Variants in DCAF13 observed in about 807,000 individuals in gnomAD.
DCAF13 encodes DDB1- and CUL4-associated factor 13.
A neutral mutation model predicts 59.0 loss-of-function variants in DCAF13; 38 were observed. The ratio of observed to expected loss-of-function variants is 0.64; its 90% CI spans 0.50 to 0.84. The LOEUF (loss-of-function observed/expected upper bound fraction) is 0.84. Among genes scored for constraint, DCAF13 ranks in the 40% least tolerant of loss-of-function variants. DCAF13 has a pLI of 0.00. For synonymous variants in DCAF13, 173 were observed against 175.0 expected (o/e 0.99, Z 0.09); for missense variants, 469 against 558.4 (o/e 0.84, Z 1.61).
chr8:103,424,123 A>T lies in DCAF13; in HGVS notation c.379-1933A>T, dbSNP rs1051130563. Among the ~76,000 whole-genome samples, 5 of 151,728 alleles carry T rather than the reference A, an allele frequency of 3.3e-5. No homozygotes were observed. The East Asian group carries it at 9.7e-4, about 29-fold the overall frequency. On this transcript the variant is annotated intron_variant, in intron 3 of 10. Coordinates refer to ENST00000612750, the MANE Select transcript of DCAF13 (RefSeq NM_015420.7). The stretch of plus-strand genomic sequence containing the variant: ...AAGCTCTGCCTCCCGGGTTCACGCC[A>T]TTCTCTTGCCTCAGTCTCCCCAGTA...
At chr8:103,418,858 A>ATATATT (rs1554630660) in intron 1 of DCAF13, among the ~76,000 whole-genome samples, 20 of 34,954 alleles carry the variant, frequency 5.7e-4, no homozygotes, top group African/African-American at 9.2e-4. Context: ...ATATATATAT[A>ATATATT]TATATATATT....
At chr8:103,429,202 A>G (rs1816830274) in intron 5 of DCAF13, 2 of 152,206 alleles carry the variant, frequency 1.3e-5, no homozygotes, top group African/African-American at 4.8e-5. Flanking sequence ...CTTTCTTTTT[A>G]GAAATGGAAC....
intron 6 of DCAF13, among the ~76,000 whole-genome samples, chr8:103,432,419 C>T (rs1816878325): frequency 6.6e-6 from 1 of 152,088 alleles, no homozygotes; most frequent in South Asian, 2.1e-4. Context: ...TATTATGTGT[C>T]ACATTTTTCT....
intron 7 of DCAF13, among the ~76,000 whole-genome samples, chr8:103,434,486 T>C (rs555799060): frequency 1.3e-5 from 2 of 152,250 alleles, no homozygotes; most frequent in African/African-American, 4.8e-5. Context: ...AGGCAGGAAC[T>C]GTAAAGCAGT....
intron 1 of DCAF13, among the ~76,000 whole-genome samples, chr8:103,418,672 G>A (rs1020411101): frequency 6.6e-6 from 1 of 151,308 alleles, no homozygotes; most frequent in African/African-American, 2.4e-5. Flanking sequence ...GAATGACCTA[G>A]GCTAGAGCTT....
Position 103,420,394 on chromosome 8 carries a change from T to TG in DCAF13, c.203dup (p.Val69SerfsTer20), listed in dbSNP as rs764640465. 8.1e-6 allele frequency: 13 copies of TG among 1,614,048 alleles called. No homozygotes were observed. The highest frequency in any genetic ancestry group is 1.3e-5 in the African/African-American group (1 of 74,912). On this transcript the variant is annotated frameshift_variant, in exon 2 of 11. Coordinates refer to ENST00000612750, the MANE Select transcript of DCAF13 (RefSeq NM_015420.7). LOFTEE classifies it high-confidence loss of function. ...TTGCTTCGCTGGATGGTCACCGTGATGGAGTCAATTGCTTGGCAAAGCATC... is the reference window on the plus strand; with the variant it reads ...TTGCTTCGCTGGATGGTCACCGTGATGGGAGTCAATTGCTTGGCAAAGCATC...
chr8:103,427,870 T>C (rs2130485077), intron 5 of DCAF13: 1 of 152,448 alleles, frequency 6.6e-6, no homozygotes, highest in Non-Finnish European at 1.5e-5. Flanking sequence ...AAGGCTAAGC[T>C]AGCCCTTGGA....
chr8:103,424,329 A>C (rs1816762346), intron 3 of DCAF13, among the ~76,000 whole-genome samples: 1 of 152,200 alleles, frequency 6.6e-6, no homozygotes, highest in Admixed American at 6.5e-5. Context: ...GCCCAACCAA[A>C]AAGATATTTT....
chr8:103,418,085 G>A (rs1043960751), intron 1 of DCAF13, among the ~76,000 whole-genome samples: 6 of 151,062 alleles, frequency 4.0e-5, no homozygotes, highest in African/African-American at 9.7e-5. Flanking sequence ...CCGAGATTGC[G>A]CCACTGCACT....
chr8:103,416,271 ATAT>A (rs773208949), intron 1 of DCAF13, among the ~76,000 whole-genome samples: 2 of 152,196 alleles, frequency 1.3e-5, no homozygotes, highest in Non-Finnish European at 2.9e-5. Flanking sequence ...TGAGTAGGAG[ATAT>A]TATCAACATG....
chr8:103,433,946 T>C (rs1816899391), intron 7 of DCAF13, among the ~76,000 whole-genome samples: 1 of 152,044 alleles, frequency 6.6e-6, no homozygotes. Flanking sequence ...TTCTAAAGAA[T>C]GTTCTAATAA....
chr8:103,432,723 C>A lies in DCAF13; in HGVS notation c.767C>A (p.Ala256Glu). ...CCTATGGAAGCTTTCATTTTTACAG[C>A]AGCAAATGAAGATTATAAGTAAGTT... ...WNPMEAFIFT[A>E]ANEDYNLYTF... The change falls in exon 7 of 11, where the codon GCA becomes GAA. Residue 256 changes from alanine to glutamate, a missense_variant. Ala to Glu is a moderately radical substitution (Grantham distance 107). Transcript: ENST00000612750. The A allele has an allele frequency of 6.3e-7, 1 of 1,598,378 alleles. No homozygotes were observed. Among genetic ancestry groups the A allele is most frequent in the Non-Finnish European group, 8.6e-7 (1 of 1,167,328 alleles).
At chr8:103,429,920 A>G (rs904048746) in intron 5 of DCAF13, 14 of 152,202 alleles carry the variant, frequency 9.2e-5, no homozygotes, top group African/African-American at 1.9e-4. Flanking sequence ...CAGTAATGTC[A>G]TTTGTGAAAT....
In DCAF13 at chr8:103,440,124, C is replaced by T. The variant is rs192666145; in HGVS notation, c.951-12C>T. Reference sequence around the variant, plus strand: ...AAATCCAAAGGGTTTTAACTTAATTCGTTTTCTATAGGGAGGTATATCATA... The same window carrying T: ...AAATCCAAAGGGTTTTAACTTAATTTGTTTTCTATAGGGAGGTATATCATA... On this transcript the variant is annotated splice_polypyrimidine_tract_variant and intron_variant, in intron 8 of 10. Transcript: ENST00000612750. 7.2e-6 allele frequency: 11 copies of T among 1,534,158 alleles called. No individual in the cohort carries two copies. The highest frequency in any genetic ancestry group is 2.6e-5 in the South Asian group (2 of 77,712).
Position 103,415,485 on chromosome 8 carries a change from T to C in DCAF13, c.39T>C (p.Tyr13=), listed in dbSNP as rs1203452758. ...TGCTGAGCCGGAATCCGGACAATTA[T>C]GTCCGCGAAACCAAGTTGGACTTAC... ...VKMLSRNPDN[Y]VRETKLDLQR... is the part of the protein sequence containing the mutation. The change falls in exon 1 of 11, where the codon TAT becomes TAC. Residue 13 remains tyrosine, a synonymous_variant. Coordinates refer to ENST00000612750, the MANE Select transcript of DCAF13 (RefSeq NM_015420.7). 4 of 1,612,778 alleles carry C rather than the reference T, an allele frequency of 2.5e-6. No homozygotes were observed. The East Asian group carries it at 6.7e-5, about 27-fold the overall frequency.
chr8:103,421,116 T>A (rs1235688405), intron 3 of DCAF13, 34 bp downstream of exon 3: 1 of 1,326,232 alleles, frequency 7.5e-7, no homozygotes, highest in Non-Finnish European at 1.1e-6. Context: ...TTAAATTTGA[T>A]CAACATAGGT....
chr8:103,441,375 GA>G (rs34792510), intron 9 of DCAF13, 79 bp from the exon 10 acceptor site: 2 of 1,361,156 alleles, frequency 1.5e-6, no homozygotes, highest in Non-Finnish European at 9.9e-7. Flanking sequence ...AGGTTAGGGG[GA>G]AAAGGGTGCT....
At chr8:103,437,304 A>G (rs1816946280) in intron 8 of DCAF13, among the ~76,000 whole-genome samples, 1 of 152,208 alleles carries the variant, frequency 6.6e-6, no homozygotes, top group Non-Finnish European at 1.5e-5. Flanking sequence ...CACAACTTCC[A>G]AAGGTAGTAG....
chr8:103,426,741 A>G (rs1816796941), intron 4 of DCAF13, among the ~76,000 whole-genome samples: 1 of 152,176 alleles, frequency 6.6e-6, no homozygotes, highest in Non-Finnish European at 1.5e-5. Flanking sequence ...TCTACCTTTT[A>G]AAAATCACTT....
Sources: gnomAD v4.1 joint callset for allele counts (sites outside exome capture counted in the v4.1 genomes callset) on GRCh38, gnomAD v4.1.1 for gene constraint, MANE v1.5 for transcripts, NCBI Gene and HGNC (gene_info 2026-07-23, HGNC 2026-07-21) for gene names.